Variants in IL6R observed in about 807,000 individuals in gnomAD.
IL6R encodes the protein interleukin 6 receptor, also known as interleukin-6 receptor subunit alpha.
A neutral mutation model predicts 48.3 loss-of-function variants in IL6R; 38 were observed. The observed-to-expected ratio is 0.79, with a 90% CI of 0.61 to 1.03. The LOEUF (loss-of-function observed/expected upper bound fraction) is 1.03, where lower values mean the gene tolerates loss of function less well. IL6R is among the 50% of genes least tolerant of loss of function. The pLI, the probability that IL6R is intolerant of heterozygous loss-of-function variation, is 0.00. For missense variants in IL6R, 534 were observed against 618.3 expected (o/e 0.86, Z 1.45); for synonymous variants, 264 against 256.2 (o/e 1.03, Z -0.29).
intron 3 of IL6R, among the ~76,000 whole-genome samples, chr1:154,432,850 C>T (rs1689380396): frequency 6.6e-6 from 1 of 152,228 alleles, no homozygotes; most frequent in Non-Finnish European, 1.5e-5. Flanking sequence ...TGAGGCCCCA[C>T]CCAGACCTCA....
chr1:154,469,199 CAG>C lies in IL6R; in HGVS notation c.*3825_*3826del, dbSNP rs983520986. On this transcript the variant is annotated 3_prime_UTR_variant, in exon 10 of 10. Coordinates refer to ENST00000368485, the MANE Select transcript of IL6R (RefSeq NM_000565.4). ...AGCATGTCACAAGGCTGTTAATTAACAGAGAGACCTTATTGGATGGAGATCAC... is the reference window on the plus strand; with the variant it reads ...AGCATGTCACAAGGCTGTTAATTAACAGAGACCTTATTGGATGGAGATCAC... 6.6e-6 allele frequency: 1 copy of C among 152,246 alleles called. No homozygotes were observed. Among genetic ancestry groups the C allele is most frequent in the African/African-American group, 2.4e-5 (1 of 41,462 alleles). 9.4% of individuals were successfully genotyped at this position (152,246 alleles called of 1,614,324 possible).
chr1:154,416,700 G>A (rs1362258248), intron 1 of IL6R, among the ~76,000 whole-genome samples: 1 of 152,188 alleles, frequency 6.6e-6, no homozygotes, highest in Non-Finnish European at 1.5e-5. Context: ...ATGGGGGAGC[G>A]GAGGGGGTGG....
intron 8 of IL6R, 104 bp downstream of exon 8, chr1:154,450,084 AG>A (rs1690492397): frequency 5.4e-6 from 4 of 735,658 alleles, no homozygotes; most frequent in Non-Finnish European, 1.0e-5. Context: ...GATCAATCAC[AG>A]ATCAATCGCA....
chr1:154,455,695 G>A (rs1374488228), intron 9 of IL6R, among the ~76,000 whole-genome samples: 12 of 151,010 alleles, frequency 7.9e-5, no homozygotes, highest in South Asian at 2.1e-4. Context: ...CTCGTGATCC[G>A]CCTGCCTCAG....
intron 1 of IL6R, among the ~76,000 whole-genome samples, chr1:154,426,161 G>GACACACACAGAC (rs1688954215): frequency 8.4e-6 from 1 of 118,572 alleles, no homozygotes; most frequent in African/African-American, 3.2e-5. Flanking sequence ...CCCTGTATCA[G>GACACACACAGAC]ACACACACAC....
intron 1 of IL6R, among the ~76,000 whole-genome samples, chr1:154,422,938 C>T (rs1688759361): frequency 1.3e-5 from 2 of 152,044 alleles, no homozygotes; most frequent in Non-Finnish European, 2.9e-5. Flanking sequence ...CCAGCAGATT[C>T]CCAGGGAACA....
At chr1:154,452,976 G>A (rs1035388737) in intron 8 of IL6R, among the ~76,000 whole-genome samples, 2 of 152,072 alleles carry the variant, frequency 1.3e-5, no homozygotes, top group African/African-American at 4.8e-5. Flanking sequence ...AGGCCGAGGT[G>A]GGCGGATCAC....
chr1:154,460,955 C>T (rs1571014607), intron 9 of IL6R, among the ~76,000 whole-genome samples: 1 of 152,066 alleles, frequency 6.6e-6, no homozygotes, highest in South Asian at 2.1e-4. Flanking sequence ...TGGCCCCGAA[C>T]GTCTGGGCTC....
In IL6R at chr1:154,467,930, A is replaced by ACGGC. The variant is rs1691632182; in HGVS notation, c.*2550_*2551insCGGC. 1.3e-5 allele frequency: 2 copies of ACGGC among 152,298 alleles called. No homozygotes were observed. The highest frequency in any genetic ancestry group is 2.9e-5 in the Non-Finnish European group (2 of 68,024). 9.4% of individuals were successfully genotyped at this position (152,298 alleles called of 1,614,324 possible). A position where few individuals can be genotyped will look rare whatever the true frequency, so the allele number is the denominator to read the frequency against. On this transcript the variant is annotated 3_prime_UTR_variant, in exon 10 of 10. Coordinates refer to ENST00000368485, the MANE Select transcript of IL6R (RefSeq NM_000565.4). ...CAATTCTTTATACCGTTTTACCCAC[A>ACGGC]TGTGGTGTTACCAAAGCCGGGCAGA... is the stretch of plus-strand genomic sequence containing the variant.
intron 1 of IL6R, chr1:154,414,908 G>C (rs1688245957): frequency 1.1e-6 from 1 of 920,696 alleles, no homozygotes; most frequent in African/African-American, 1.6e-5. Flanking sequence ...CATTTGAGCT[G>C]GGTCATGTGG....
rs571500055 is a variant in IL6R, at chr1:154,464,378, C to T, written c.1161-756C>T. On this transcript the variant is annotated intron_variant, in intron 9 of 9. Transcript: ENST00000368485. ...CCACGTTGGCCAGGCTGGTCTTGAA[C>T]TCCTGACCTCAGGTGATCCGCCCGC... Among the ~76,000 whole-genome samples, 487 of 152,200 alleles carry T rather than the reference C, an allele frequency of 3.2e-3. 2 individuals are homozygous for T. Among genetic ancestry groups the T allele is most frequent in the Non-Finnish European group, 4.7e-3 (317 of 67,990 alleles).
chr1:154,409,577 T>C (rs544022007), intron 1 of IL6R, among the ~76,000 whole-genome samples: 2 of 152,280 alleles, frequency 1.3e-5, no homozygotes, highest in South Asian at 2.1e-4. Flanking sequence ...AGGTATTAAA[T>C]AGAGTGTTTA....
At chr1:154,407,528 G>A (rs1259066500) in intron 1 of IL6R, among the ~76,000 whole-genome samples, 1 of 152,146 alleles carries the variant, frequency 6.6e-6, no homozygotes, top group Non-Finnish European at 1.5e-5. Flanking sequence ...GAAATACCCA[G>A]CCCCTCTCCC....
At chr1:154,418,313 G>A (rs970215905) in intron 1 of IL6R, 4 of 520,876 alleles carry the variant, frequency 7.7e-6, no homozygotes, top group East Asian at 1.5e-4. Context: ...ACACGCGCAC[G>A]TGGGTCTCTG....
At chr1:154,411,268 G>A (rs1245912701) in intron 1 of IL6R, among the ~76,000 whole-genome samples, 3 of 152,130 alleles carry the variant, frequency 2.0e-5, no homozygotes, top group Non-Finnish European at 4.4e-5. Flanking sequence ...CAGGTTGCCA[G>A]TCTGGTCTCG....
In IL6R at chr1:154,447,438, CA is replaced by C. The variant is rs201893129; in HGVS notation, c.950-670del. Reference sequence around the variant, plus strand: ...TGGGCAAAAGAGTGAAACTCCATCTCAAAAAAAAAAAAAAAAATATATATAT... The same window carrying C: ...TGGGCAAAAGAGTGAAACTCCATCTCAAAAAAAAAAAAAAAATATATATAT... On this transcript the variant is annotated intron_variant, in intron 6 of 9. Transcript: ENST00000368485. Among the ~76,000 whole-genome samples the C allele has an allele frequency of 6.1e-3, 234 of 38,384 alleles. 11 individuals carry two copies. Among genetic ancestry groups the C allele is most frequent in the African/African-American group, 8.0e-3 (101 of 12,602 alleles). The allele number at this position is 38,384 out of a possible 152,430, so 25.2% of individuals were successfully genotyped here. A position where few individuals can be genotyped will look rare whatever the true frequency, so the allele number is the denominator to read the frequency against.
At chr1:154,444,087 C>A (rs895830187) in intron 6 of IL6R, among the ~76,000 whole-genome samples, 1 of 152,212 alleles carries the variant, frequency 6.6e-6, no homozygotes, top group African/African-American at 2.4e-5. Flanking sequence ...CCTCCTCCCT[C>A]ATCCTCGCAT....
chr1:154,412,683 G>C (rs1023221060), intron 1 of IL6R, among the ~76,000 whole-genome samples: 1 of 152,128 alleles, frequency 6.6e-6, no homozygotes, highest in African/African-American at 2.4e-5. Flanking sequence ...TTTTTTGAAA[G>C]ATTAGGTATG....
rs145679087 is a variant in IL6R, at chr1:154,456,234, T to C, written c.1160+1653T>C. Among the ~76,000 whole-genome samples, 220 of 150,964 alleles carry C rather than the reference T, an allele frequency of 1.5e-3. 6 individuals are homozygous for C. In the East Asian group the frequency reaches 0.039, roughly 26 times the overall value. On this transcript the variant is annotated intron_variant, in intron 9 of 9. Transcript: ENST00000368485. ...TTTTTTTTTTTTTTGAGATGGAGTTTCGCTTTTGTTGCCCAGGCTGGAGTG... is the reference window on the plus strand; with the variant it reads ...TTTTTTTTTTTTTTGAGATGGAGTTCCGCTTTTGTTGCCCAGGCTGGAGTG...
Sources: gnomAD v4.1 joint callset for allele counts (sites outside exome capture counted in the v4.1 genomes callset) on GRCh38, gnomAD v4.1.1 for gene constraint, MANE v1.5 for transcripts, NCBI Gene and HGNC (gene_info 2026-07-23, HGNC 2026-07-21) for gene names.